Variants in CNTN6 observed in about 807,000 individuals in gnomAD.
CNTN6 encodes the protein contactin 6.
A neutral mutation model predicts 122.8 loss-of-function variants in CNTN6; 137 were observed. The ratio of observed to expected loss-of-function variants is 1.12; its 90% CI spans 0.97 to 1.29. The LOEUF is 1.29. Ranked by LOEUF, CNTN6 falls within the 50% of genes most tolerant of loss-of-function variation. CNTN6 has a pLI of 0.00. For synonymous variants in CNTN6, 570 were observed against 426.0 expected (o/e 1.34, Z -4.16); for missense variants, 1,634 against 1,223.4 (o/e 1.34, Z -5.01).
intron 17 of CNTN6, among the ~76,000 whole-genome samples, chr3:1,377,501 G>A (rs1182819122): frequency 6.6e-6 from 1 of 152,114 alleles, no homozygotes; most frequent in Non-Finnish European, 1.5e-5. Context: ...CTAGATGAAA[G>A]CTTAGGCACA....
chr3:1,305,254 GT>G (rs1698171307), intron 7 of CNTN6, among the ~76,000 whole-genome samples: 1 of 152,116 alleles, frequency 6.6e-6, no homozygotes, highest in South Asian at 2.1e-4. Context: ...CAGGTGAAGT[GT>G]TTACTCATAT....
At chr3:1,251,053 C>T (rs528349658) in intron 4 of CNTN6, among the ~76,000 whole-genome samples, 1 of 152,268 alleles carries the variant, frequency 6.6e-6, no homozygotes, top group South Asian at 2.1e-4. Context: ...AAGATTTTAC[C>T]TATTAGCTCA....
At chr3:1,292,208 T>C (rs1225821240) in intron 5 of CNTN6, among the ~76,000 whole-genome samples, 8 of 152,192 alleles carry the variant, frequency 5.3e-5, no homozygotes, top group Non-Finnish European at 8.8e-5. Flanking sequence ...AGTCCTACTT[T>C]TGCCTTCTGG....
intron 5 of CNTN6, among the ~76,000 whole-genome samples, chr3:1,283,039 A>G (rs1033460054): frequency 3.9e-5 from 6 of 151,910 alleles, no homozygotes; most frequent in Admixed American, 2.0e-4. Context: ...GAGGTGCCAT[A>G]TTGGCTCACT....
At chr3:1,236,806 C>T (rs948144817) in intron 4 of CNTN6, among the ~76,000 whole-genome samples, 49 of 152,202 alleles carry the variant, frequency 3.2e-4, no homozygotes, top group African/African-American at 1.1e-3. Context: ...AGAGACCAGG[C>T]GCGGTGGCTC....
intron 1 of CNTN6, among the ~76,000 whole-genome samples, chr3:1,142,834 G>A (rs2092638812): frequency 6.6e-6 from 1 of 151,734 alleles, no homozygotes; most frequent in South Asian, 2.1e-4. Context: ...AGGCAATGGG[G>A]TACGAATTCG....
chr3:1,102,625 G>C lies in CNTN6; in HGVS notation c.-83+9505G>C, dbSNP rs902231462. ...CGCCTGTAGTCCCAGCTACTCGGGAGGCTGAGGCAGGAGAATGGCGGGAAC... is the reference window on the plus strand; with the variant it reads ...CGCCTGTAGTCCCAGCTACTCGGGACGCTGAGGCAGGAGAATGGCGGGAAC... On this transcript the variant is annotated intron_variant, in intron 1 of 22. Transcript: ENST00000446702. Among the ~76,000 whole-genome samples, 24 of 150,114 alleles carry C rather than the reference G, an allele frequency of 1.6e-4. 4 individuals carry two copies. The highest frequency in any genetic ancestry group is 1.2e-3 in the Admixed American group (18 of 15,038).
At chr3:1,373,333 T>G (rs999513621) in intron 14 of CNTN6, among the ~76,000 whole-genome samples, 6 of 152,134 alleles carry the variant, frequency 3.9e-5, no homozygotes, top group Non-Finnish European at 5.9e-5. Context: ...TAAGAGGAAT[T>G]AAAGATGATG....
At chr3:1,177,898 A>AT (rs11303380) in intron 2 of CNTN6, among the ~76,000 whole-genome samples, 122 of 133,418 alleles carry the variant, frequency 9.1e-4, no homozygotes, top group Middle Eastern at 3.8e-3. Context: ...TGCCCTTTCC[A>AT]TTTTTTTTTT....
chr3:1,100,491 T>C (rs1308384352), intron 1 of CNTN6, among the ~76,000 whole-genome samples: 1 of 152,174 alleles, frequency 6.6e-6, no homozygotes, highest in East Asian at 1.9e-4. Flanking sequence ...AGTTGTGGAG[T>C]TGTTTCAAAT....
chr3:1,257,276 T>A (rs1378350915), intron 4 of CNTN6, among the ~76,000 whole-genome samples: 1 of 152,174 alleles, frequency 6.6e-6, no homozygotes, highest in Admixed American at 6.6e-5. Context: ...TTACAAATTA[T>A]GTGAAATGTT....
intron 2 of CNTN6, among the ~76,000 whole-genome samples, chr3:1,192,268 C>T (rs1417713715): frequency 6.6e-6 from 1 of 152,146 alleles, no homozygotes; most frequent in Non-Finnish European, 1.5e-5. Context: ...TTTCCCAAGG[C>T]ACTAGGATTT....
chr3:1,198,549 C>A (rs143127678), intron 2 of CNTN6, among the ~76,000 whole-genome samples: 1 of 152,076 alleles, frequency 6.6e-6, no homozygotes, highest in Admixed American at 6.5e-5. Flanking sequence ...ATGGTGAAAC[C>A]CGATCTCTAC....
chr3:1,284,308 GA>G (rs1417934667), intron 5 of CNTN6, among the ~76,000 whole-genome samples: 5 of 143,264 alleles, frequency 3.5e-5, no homozygotes, highest in Non-Finnish European at 4.4e-5. Flanking sequence ...ATTATGTAGA[GA>G]AAAAAGTGCT....
At chr3:1,217,951 C>T (rs1452764796) in intron 2 of CNTN6, among the ~76,000 whole-genome samples, 1 of 152,214 alleles carries the variant, frequency 6.6e-6, no homozygotes, top group Non-Finnish European at 1.5e-5. Context: ...CTAAGCTCTT[C>T]CTCATCCTCT....
At chr3:1,325,288 A>G (rs1701374420) in intron 8 of CNTN6, among the ~76,000 whole-genome samples, 1 of 151,868 alleles carries the variant, frequency 6.6e-6, no homozygotes. Context: ...CAAGAATTTT[A>G]TCTAGGAAAA....
chr3:1,262,783 C>A (rs1414750001), intron 4 of CNTN6, among the ~76,000 whole-genome samples: 1 of 151,936 alleles, frequency 6.6e-6, no homozygotes, highest in Non-Finnish European at 1.5e-5. Context: ...TTTAGCATTT[C>A]ATGTGTAAAA....
intron 20 of CNTN6, among the ~76,000 whole-genome samples, chr3:1,391,914 A>G (rs1472729845): frequency 6.6e-6 from 1 of 152,192 alleles, no homozygotes; most frequent in Non-Finnish European, 1.5e-5. Context: ...GAGGATACAA[A>G]CAAATGGAAG....
At chr3:1,130,891 A>T (rs926111719) in intron 1 of CNTN6, among the ~76,000 whole-genome samples, 1 of 152,176 alleles carries the variant, frequency 6.6e-6, no homozygotes, top group Admixed American at 6.6e-5. Context: ...TGTTGCAAGA[A>T]GTCCATCATT....
Sources: allele counts gnomAD v4.1 joint callset (sites outside exome capture counted in the v4.1 genomes callset), GRCh38; gene constraint gnomAD v4.1.1; transcripts MANE v1.5; gene names NCBI Gene and HGNC (gene_info 2026-07-23, HGNC 2026-07-21).